Variants in GLIS3 observed in about 807,000 individuals in gnomAD.
The protein encoded by GLIS3 is GLIS family zinc finger 3, also known as zinc finger protein GLIS3.
A neutral mutation model predicts 78.6 loss-of-function variants in GLIS3; 53 were observed. That is an observed-to-expected ratio of 0.67 (90% confidence interval 0.54 to 0.85). The LOEUF is 0.85. Among genes scored for constraint, GLIS3 ranks in the 40% least tolerant of loss-of-function variants. The pLI is 0.00. For missense variants in GLIS3, 1,703 were observed against 1,231.1 expected (o/e 1.38, Z -5.74); for synonymous variants, 684 against 509.9 (o/e 1.34, Z -4.60).
intron 6 of GLIS3, among the ~76,000 whole-genome samples, chr9:3,931,710 G>A (rs907394841): frequency 6.6e-6 from 1 of 152,136 alleles, no homozygotes; most frequent in Non-Finnish European, 1.5e-5. Flanking sequence ...AAGCCAGGTG[G>A]ACAGGATGGT....
rs561798147 is a variant in GLIS3, at chr9:4,139,686, G to C, written c.389-13745C>G. On this transcript the variant is annotated intron_variant, in intron 2 of 10. Transcript: ENST00000381971. ...ATGGAAGGGGTGGGCACGGTTGGGT[G>C]GGGTTCAGGATGAAACTGTTCCACC... is the stretch of plus-strand genomic sequence containing the variant. Among the ~76,000 whole-genome samples the C allele has an allele frequency of 4.0e-3, 611 of 152,270 alleles. 6 individuals carry two copies. Among genetic ancestry groups the C allele is most frequent in the African/African-American group, 0.014 (581 of 41,536 alleles).
intron 9 of GLIS3, among the ~76,000 whole-genome samples, chr9:3,849,259 C>T (rs930528774): frequency 6.6e-6 from 1 of 151,936 alleles, no homozygotes; most frequent in African/African-American, 2.4e-5. Flanking sequence ...TGTGATTAGT[C>T]CCATTTTACA....
chr9:4,399,038 T>C, the GLIS3 span, among the ~76,000 whole-genome samples: 1 of 152,200 alleles, frequency 6.6e-6, no homozygotes, highest in Non-Finnish European at 1.5e-5. Context: ...ATATATTTTA[T>C]GCTAGGGGTG....
intron 4 of GLIS3, among the ~76,000 whole-genome samples, chr9:3,946,699 C>T (rs562961939): frequency 3.3e-4 from 50 of 152,278 alleles, no homozygotes; most frequent in Middle Eastern, 6.8e-3. Flanking sequence ...TGTTTTCCTA[C>T]CACTCCCTTT....
intron 1 of GLIS3, chr9:4,298,578 A>G (rs944804545): frequency 4.8e-5 from 15 of 312,874 alleles, no homozygotes; most frequent in South Asian, 2.2e-4. Flanking sequence ...GCCGACTTCA[A>G]AATACACACA....
chr9:4,195,072 A>G (rs1818685241), intron 2 of GLIS3, among the ~76,000 whole-genome samples: 1 of 152,246 alleles, frequency 6.6e-6, no homozygotes, highest in South Asian at 2.1e-4. Context: ...CAGTAGGGCT[A>G]GAACTGTGCT....
chr9:4,454,494 C>T, the GLIS3 span, among the ~76,000 whole-genome samples: 1 of 152,262 alleles, frequency 6.6e-6, no homozygotes, highest in Middle Eastern at 3.4e-3. Flanking sequence ...AAGTTCAAAT[C>T]CAAGTCCAGG....
intron 4 of GLIS3, among the ~76,000 whole-genome samples, chr9:3,967,040 A>AAAAAAAAAAAAAAAAAAAAAAAAAG (rs1226736845): frequency 7.7e-6 from 1 of 129,628 alleles, no homozygotes; most frequent in Non-Finnish European, 1.6e-5. Context: ...AAAACAAAAA[A>AAAAAAAAAAAAAAAAAAAAAAAAAG]ACATTTTGAG....
chr9:4,416,200 T>G, the GLIS3 span, among the ~76,000 whole-genome samples: 3 of 128,082 alleles, frequency 2.3e-5, no homozygotes, highest in African/African-American at 9.1e-5. Context: ...AGCAGTGAGC[T>G]GAGATTGAGC....
rs1183644754 is a variant in GLIS3 at position 3,825,999 on chromosome 9, C to T, written c.*2273G>A. On this transcript the variant is annotated 3_prime_UTR_variant, in exon 11 of 11. Coordinates refer to ENST00000381971, the MANE Select transcript of GLIS3 (RefSeq NM_001042413.2). Reference sequence around the variant, plus strand: ...GGGGCAGGGTTACTGTGAGAGGCCACAGGAAGACTGGAGCCTGGTTCACAA... The same window carrying T: ...GGGGCAGGGTTACTGTGAGAGGCCATAGGAAGACTGGAGCCTGGTTCACAA... The T allele has an allele frequency of 6.6e-6, 1 of 152,182 alleles. No homozygotes were observed. Among genetic ancestry groups the T allele is most frequent in the East Asian group, 1.9e-4 (1 of 5,186 alleles). The allele number at this position is 152,182 out of a possible 1,614,324, so 9.4% of individuals were successfully genotyped here.
the GLIS3 span, among the ~76,000 whole-genome samples, chr9:4,380,821 C>G: frequency 1.3e-5 from 2 of 152,172 alleles, 1 homozygote; most frequent in South Asian, 4.1e-4. Context: ...AGATGCAAGA[C>G]CCTCCCAAGA....
At chr9:4,219,097 A>G (rs1821102013) in intron 2 of GLIS3, among the ~76,000 whole-genome samples, 1 of 152,226 alleles carries the variant, frequency 6.6e-6, no homozygotes, top group South Asian at 2.1e-4. Flanking sequence ...ACAATCCTCC[A>G]CTAATGGAGG....
the GLIS3 span, among the ~76,000 whole-genome samples, chr9:4,428,490 A>G: frequency 2.7e-5 from 4 of 150,884 alleles, no homozygotes; most frequent in African/African-American, 7.3e-5. Flanking sequence ...TCTCAAAAAA[A>G]AAAAAAAAAA....
At chr9:4,436,875 T>C in the GLIS3 span, among the ~76,000 whole-genome samples, 1 of 150,410 alleles carries the variant, frequency 6.6e-6, no homozygotes, top group Non-Finnish European at 1.5e-5. Context: ...TTCTGTTTTC[T>C]GAAATTATTT....
At position 4,037,933 on chromosome 9, in the gene GLIS3, G is replaced by A. The variant is rs61372897; in HGVS notation, c.1710+79835C>T. ...CACTTTTCAGCTGCCCACATTCAGG[G>A]GAGATACAAAATCCAGGAAAGGAAA... On this transcript the variant is annotated intron_variant, in intron 4 of 10. Coordinates refer to ENST00000381971, the MANE Select transcript of GLIS3 (RefSeq NM_001042413.2). 2.7e-3 allele frequency among the ~76,000 whole-genome samples: 408 copies of A among 148,958 alleles called. 4 individuals carry two copies. The highest frequency in any genetic ancestry group is 9.7e-3 in the African/African-American group (387 of 39,972).
At chr9:4,441,459 A>G in the GLIS3 span, among the ~76,000 whole-genome samples, 3 of 152,204 alleles carry the variant, frequency 2.0e-5, no homozygotes, top group Admixed American at 6.5e-5. Flanking sequence ...ATATTGAACC[A>G]TCCTCATTTG....
At chr9:4,422,171 A>G in the GLIS3 span, among the ~76,000 whole-genome samples, 1 of 152,262 alleles carries the variant, frequency 6.6e-6, no homozygotes, top group Non-Finnish European at 1.5e-5. Context: ...ATATGTAACC[A>G]TATCATAAAT....
chr9:4,286,557 A>G lies in GLIS3; in HGVS notation c.-98-34T>C, dbSNP rs1828021360. The stretch of plus-strand genomic sequence containing the variant: ...AAAAATAAACGCAGGCATTTTTAAA[A>G]GCAAAAATGAAAATAAGATACAGTG... On this transcript the variant is annotated intron_variant, in intron 1 of 10. Transcript: ENST00000381971. 7 of 1,059,742 alleles carry G rather than the reference A, an allele frequency of 6.6e-6. No homozygotes were observed. The South Asian group carries it at 8.1e-5, about 12-fold the overall frequency. 65.6% of individuals were successfully genotyped at this position (1,059,742 alleles called of 1,614,324 possible).
chr9:4,337,745 T>C (rs990342887), intron 2 of GLIS3, among the ~76,000 whole-genome samples: 7 of 152,086 alleles, frequency 4.6e-5, no homozygotes, highest in Non-Finnish European at 2.9e-5. Context: ...ATGATCACAA[T>C]AGTAGCATAA....
Sources: allele counts gnomAD v4.1 joint callset (sites outside exome capture counted in the v4.1 genomes callset), GRCh38; gene constraint gnomAD v4.1.1; transcripts MANE v1.5; gene names NCBI Gene and HGNC (gene_info 2026-07-23, HGNC 2026-07-21).